Variants in DTNB observed in about 807,000 individuals in gnomAD.
The protein encoded by DTNB is DTN-B.
Under a neutral mutation model 90.7 loss-of-function variants are expected in DTNB, and 63 were observed. The observed-to-expected ratio is 0.69, with a 90% confidence interval of 0.57 to 0.86. The LOEUF (loss-of-function observed/expected upper bound fraction) is 0.86, where lower values mean the gene tolerates loss of function less well. Ranked by LOEUF, DTNB falls within the 40% of genes least tolerant of loss-of-function variation. DTNB has a pLI of 0.00. For missense variants in DTNB, 744 were observed against 807.1 expected (o/e 0.92, Z 0.95); for synonymous variants, 277 against 286.7 (o/e 0.97, Z 0.34).
chr2:25,635,411 AGC>A lies in DTNB; in HGVS notation c.148+3601_148+3602del, dbSNP rs200872195. Reference sequence around the variant, plus strand: ...CACTGCACTCCAGCCTGAGCGATAGAGCGACTCTGATTCAAAACATAAATAAA... The same window carrying A: ...CACTGCACTCCAGCCTGAGCGATAGAGACTCTGATTCAAAACATAAATAAA... On this transcript the variant is annotated intron_variant, in intron 3 of 20. Transcript: ENST00000406818. Among the ~76,000 whole-genome samples, 672 of 152,316 alleles carry A rather than the reference AGC, an allele frequency of 4.4e-3. 24 individuals carry two copies. In the East Asian group the frequency reaches 0.097, roughly 22 times the overall value.
At chr2:25,379,164 C>T in intron 20 of DTNB, 126 bp downstream of exon 20, 2 of 916,536 alleles carry the variant, frequency 2.2e-6, no homozygotes, top group Non-Finnish European at 2.9e-6. Context: ...GACAGTTGGG[C>T]TCTTGCATCT....
At chr2:25,630,080 A>G (rs2075338541) in intron 3 of DTNB, among the ~76,000 whole-genome samples, 1 of 152,262 alleles carries the variant, frequency 6.6e-6, no homozygotes, top group African/African-American at 2.4e-5. Context: ...AAAATAATTT[A>G]AATAGATATT....
At chr2:25,396,242 T>C (rs1172393802) in intron 16 of DTNB, among the ~76,000 whole-genome samples, 2 of 152,150 alleles carry the variant, frequency 1.3e-5, no homozygotes, top group South Asian at 2.1e-4. Flanking sequence ...GTAAGAATGA[T>C]ACACTGGTCT....
At chr2:25,597,449 T>C (rs1435807078) in intron 5 of DTNB, among the ~76,000 whole-genome samples, 2 of 152,224 alleles carry the variant, frequency 1.3e-5, no homozygotes, top group African/African-American at 4.8e-5. Flanking sequence ...ATGCATTACT[T>C]TTTGGATTCA....
At chr2:25,659,064 A>G (rs1180458539) in intron 1 of DTNB, among the ~76,000 whole-genome samples, 2 of 152,132 alleles carry the variant, frequency 1.3e-5, no homozygotes, top group African/African-American at 2.4e-5. Flanking sequence ...CACCAGCCAC[A>G]AAGAGTGAAC....
intron 16 of DTNB, among the ~76,000 whole-genome samples, chr2:25,394,892 C>T (rs2042012477): frequency 1.3e-5 from 2 of 152,258 alleles, no homozygotes; most frequent in South Asian, 4.1e-4. Context: ...TATCTACCTA[C>T]AGGGAAGTAA....
chr2:25,663,437 T>C (rs946595482), intron 1 of DTNB, among the ~76,000 whole-genome samples: 17 of 152,322 alleles, frequency 1.1e-4, no homozygotes, highest in South Asian at 6.2e-4. Context: ...AGTAATGGGA[T>C]TGCTGGGTCA....
At chr2:25,574,636 T>C (rs546878089) in intron 8 of DTNB, among the ~76,000 whole-genome samples, 2 of 152,216 alleles carry the variant, frequency 1.3e-5, no homozygotes, top group Non-Finnish European at 2.9e-5. Flanking sequence ...GAAATTACTA[T>C]TAAATTGATA....
At chr2:25,523,318 T>A (rs543581187) in intron 9 of DTNB, among the ~76,000 whole-genome samples, 1 of 152,318 alleles carries the variant, frequency 6.6e-6, no homozygotes, top group East Asian at 1.9e-4. Context: ...AATTAATGAA[T>A]AATTAAGAAT....
At chr2:25,380,738 C>T (rs552400860) in intron 19 of DTNB, among the ~76,000 whole-genome samples, 9 of 151,558 alleles carry the variant, frequency 5.9e-5, no homozygotes, top group Non-Finnish European at 1.2e-4. Context: ...GGGCAGTGCA[C>T]GTGCAGAGAC....
At position 25,384,667 on chromosome 2, in the gene DTNB, G is replaced by T. The variant is rs185402015; in HGVS notation, c.1826-778C>A. 1.1e-4 allele frequency among the ~76,000 whole-genome samples: 17 copies of T among 152,318 alleles called. No individual in the cohort carries two copies. The East Asian group carries it at 1.7e-3, about 16-fold the overall frequency. ...CATCCAACCCGTGAAAGGCGAGCCT[G>T]CAGAGGAGGGACTGAGCTTATCCTG... On this transcript the variant is annotated intron_variant, in intron 18 of 20. Coordinates refer to ENST00000406818, the MANE Select transcript of DTNB (RefSeq NM_021907.5).
At chr2:25,573,361 G>A (rs144884811) in intron 8 of DTNB, among the ~76,000 whole-genome samples, 51 of 152,316 alleles carry the variant, frequency 3.3e-4, no homozygotes, top group Non-Finnish European at 6.0e-4. Flanking sequence ...CCAAGAAAAA[G>A]AGACCATACC....
intron 4 of DTNB, among the ~76,000 whole-genome samples, chr2:25,620,973 G>A (rs1436145362): frequency 1.3e-5 from 2 of 152,156 alleles, no homozygotes; most frequent in Non-Finnish European, 2.9e-5. Context: ...GTTGCAGTGA[G>A]CTATGATCAT....
chr2:25,427,681 C>T, intron 14 of DTNB, 50 bp from the exon 15 acceptor site: 1 of 1,576,364 alleles, frequency 6.3e-7, no homozygotes, highest in East Asian at 2.2e-5. Flanking sequence ...AAAGATGGAT[C>T]TAAGGCCAGG....
chr2:25,501,950 C>T lies in DTNB; in HGVS notation c.1002-19077G>A, dbSNP rs972532144. Among the ~76,000 whole-genome samples, 3 of 152,012 alleles carry T rather than the reference C, an allele frequency of 2.0e-5. No homozygotes were observed. In the East Asian group the frequency reaches 5.8e-4, roughly 29 times the overall value. On this transcript the variant is annotated intron_variant, in intron 9 of 20. Transcript: ENST00000406818. ...CATGTAATCCCAGCACTTTGAGAGA[C>T]CAAAGTAGGAGGATCACTTGAGGTC...
At chr2:25,530,934 T>G (rs1030145559) in intron 9 of DTNB, among the ~76,000 whole-genome samples, 2 of 152,242 alleles carry the variant, frequency 1.3e-5, no homozygotes, top group South Asian at 4.1e-4. Flanking sequence ...TTCTCAACTT[T>G]ATTGTTCTCC....
intron 8 of DTNB, chr2:25,558,347 C>G (rs1028464742): frequency 2.0e-6 from 2 of 985,300 alleles, no homozygotes; most frequent in Non-Finnish European, 2.4e-6. Flanking sequence ...ACAGAGAACA[C>G]AGTGATCTTC....
intron 7 of DTNB, 68 bp from the exon 8 acceptor site, chr2:25,577,072 A>T: frequency 6.9e-7 from 1 of 1,440,328 alleles, no homozygotes; most frequent in Non-Finnish European, 9.2e-7. Flanking sequence ...AAGAAGAAAG[A>T]ATAAAATTTC....
chr2:25,526,395 A>ATATATATATATTTT, intron 9 of DTNB, among the ~76,000 whole-genome samples: 58 of 49,824 alleles, frequency 1.2e-3, no homozygotes, highest in African/African-American at 2.9e-3. Context: ...ATATATATAT[A>ATATATATATATTTT]TTTTTTTTTT....
Sources: gnomAD v4.1 joint callset for allele counts (sites outside exome capture counted in the v4.1 genomes callset) on GRCh38, gnomAD v4.1.1 for gene constraint, MANE v1.5 for transcripts, NCBI Gene and HGNC (gene_info 2026-07-23, HGNC 2026-07-21) for gene names.